HMGB1: variants seen among roughly 807,000 people sequenced by gnomAD.
The protein encoded by HMGB1 is high mobility group protein B1.
For missense variants in HMGB1, 79 were observed against 253.5 expected (o/e 0.31, Z 4.67); for synonymous variants, 81 against 84.0 (o/e 0.96, Z 0.19).
chr13:30,491,940 G>A (rs778674515), intron 1 of HMGB1, among the ~76,000 whole-genome samples: 8 of 152,112 alleles, frequency 5.3e-5, no homozygotes, highest in Admixed American at 2.0e-4. Context: ...AGGCCGAGGC[G>A]GGCAGATCAG....
chr13:30,538,663 C>CTTTT (rs1555238863), intron 1 of HMGB1, among the ~76,000 whole-genome samples: 2 of 80,036 alleles, frequency 2.5e-5, no homozygotes, highest in African/African-American at 8.0e-5. Context: ...TTCTTTCTTT[C>CTTTT]CTTTCTTTCT....
chr13:30,467,378 TG>T (rs1212957157), upstream of HMGB1, among the ~76,000 whole-genome samples: 2 of 152,256 alleles, frequency 1.3e-5, no homozygotes, highest in Non-Finnish European at 2.9e-5. Flanking sequence ...TTTCCTCAAA[TG>T]TATTAAACTA....
chr13:30,586,324 C>T (rs955274365), intron 1 of HMGB1, among the ~76,000 whole-genome samples: 6 of 152,142 alleles, frequency 3.9e-5, no homozygotes, highest in African/African-American at 1.4e-4. Context: ...GTTCTTCTAT[C>T]AGCTTCTCCT....
intron 1 of HMGB1, among the ~76,000 whole-genome samples, chr13:30,555,905 A>T (rs1869665043): frequency 6.6e-6 from 1 of 152,198 alleles, no homozygotes; most frequent in African/African-American, 2.4e-5. Flanking sequence ...TGAAATATTA[A>T]TCTGTATGGG....
At chr13:30,520,799 G>A (rs1888221087) in intron 1 of HMGB1, among the ~76,000 whole-genome samples, 1 of 152,126 alleles carries the variant, frequency 6.6e-6, no homozygotes, top group African/African-American at 2.4e-5. Flanking sequence ...GAATCCAACA[G>A]TACTAAAAGC....
chr13:30,464,662 G>A, intron 1 of HMGB1: 5 of 982,324 alleles, frequency 5.1e-6, no homozygotes, highest in Non-Finnish European at 6.0e-6. Flanking sequence ...GCCCGCGGCC[G>A]CCGGGGCCGG....
intron 1 of HMGB1, 169 bp from the exon 2 acceptor site, chr13:30,463,863 G>A: frequency 5.3e-6 from 3 of 566,184 alleles, no homozygotes; most frequent in Middle Eastern, 4.8e-4. Context: ...ATTCCTTGAA[G>A]GGGCTATGCC....
At chr13:30,463,755 GTACT>G in intron 1 of HMGB1, 61 bp from the exon 2 acceptor site, 1 of 1,122,646 alleles carries the variant, frequency 8.9e-7, no homozygotes, top group African/African-American at 1.6e-5. Flanking sequence ...AGACCTTAAA[GTACT>G]TAGTAAGGGA....
intron 1 of HMGB1, among the ~76,000 whole-genome samples, chr13:30,490,544 G>A (rs1054066321): frequency 1.3e-5 from 2 of 151,836 alleles, no homozygotes; most frequent in African/African-American, 4.8e-5. Flanking sequence ...ACTTGAGCCT[G>A]GGAGGCAGAG....
intron 1 of HMGB1, among the ~76,000 whole-genome samples, chr13:30,550,053 C>A (rs977605047): frequency 2.0e-5 from 3 of 151,600 alleles, no homozygotes; most frequent in Non-Finnish European, 4.4e-5. Context: ...ATGTTAGATT[C>A]TTTTATAAAT....
At chr13:30,607,926 T>C (rs984430435) in intron 1 of HMGB1, among the ~76,000 whole-genome samples, 1 of 152,226 alleles carries the variant, frequency 6.6e-6, no homozygotes, top group Admixed American at 6.5e-5. Context: ...TAACATGTTA[T>C]AAAATTGTGG....
At chr13:30,504,045 A>G (rs1318381085) in intron 1 of HMGB1, among the ~76,000 whole-genome samples, 1 of 152,108 alleles carries the variant, frequency 6.6e-6, no homozygotes, top group African/African-American at 2.4e-5. Flanking sequence ...AGGGGAGTCA[A>G]GAAAGGCTTC....
chr13:30,476,373 A>C (rs537696355), intron 1 of HMGB1, among the ~76,000 whole-genome samples: 2 of 151,862 alleles, frequency 1.3e-5, no homozygotes, highest in South Asian at 4.2e-4. Flanking sequence ...TCCTGACCTC[A>C]AGTGTTCTGC....
At chr13:30,523,158 A>G (rs775681229) in intron 1 of HMGB1, among the ~76,000 whole-genome samples, 10 of 152,246 alleles carry the variant, frequency 6.6e-5, no homozygotes, top group Non-Finnish European at 1.5e-4. Context: ...ATCTCCCAGC[A>G]GGTACAGTAG....
intron 1 of HMGB1, among the ~76,000 whole-genome samples, chr13:30,534,287 A>G (rs898022884): frequency 6.6e-6 from 1 of 152,040 alleles, no homozygotes. Flanking sequence ...GTTCAGTCAC[A>G]CTCCACGGCC....
chr13:30,609,775 C>T (rs138785186), intron 1 of HMGB1, among the ~76,000 whole-genome samples: 6 of 152,332 alleles, frequency 3.9e-5, no homozygotes, highest in African/African-American at 1.4e-4. Flanking sequence ...CCAAAGTCCA[C>T]TGTATGATTC....
intron 1 of HMGB1, chr13:30,554,086 C>T (rs959565185): frequency 2.3e-6 from 3 of 1,310,156 alleles, no homozygotes; most frequent in Admixed American, 1.7e-5. Flanking sequence ...TTTAAAGAAA[C>T]GGGATTCAAT....
intron 1 of HMGB1, among the ~76,000 whole-genome samples, chr13:30,484,192 C>T (rs1262315632): frequency 6.6e-6 from 1 of 152,162 alleles, no homozygotes; most frequent in Admixed American, 6.5e-5. Context: ...GCTGCCCCTC[C>T]TTGGCAATGT....
At chr13:30,490,421 A>G (rs909366106) in intron 1 of HMGB1, among the ~76,000 whole-genome samples, 7 of 152,014 alleles carry the variant, frequency 4.6e-5, no homozygotes, top group African/African-American at 1.7e-4. Flanking sequence ...GGAGTTTGAG[A>G]CCAGCCTGGC....
Sources: allele counts gnomAD v4.1 joint callset (sites outside exome capture counted in the v4.1 genomes callset), GRCh38; gene constraint gnomAD v4.1.1; transcripts MANE v1.5; gene names NCBI Gene and HGNC (gene_info 2026-07-23, HGNC 2026-07-21).